The following LIMA1 variants were observed in gnomAD, a reference collection of about 807,000 sequenced individuals.
LIMA1 encodes the protein LIM domain and actin-binding protein 1.
LIMA1 carries 52 observed loss-of-function variants against 62.6 expected under a neutral mutation model. The ratio of observed to expected loss-of-function variants is 0.83; its 90% confidence interval spans 0.67 to 1.05. The LOEUF (loss-of-function observed/expected upper bound fraction) is 1.05, where lower values mean the gene tolerates loss of function less well. LIMA1 is among the 50% of genes least tolerant of loss of function. LIMA1 has a pLI of 0.00. For missense variants in LIMA1, 780 were observed against 902.2 expected, an observed-to-expected ratio of 0.86 and a Z score of 1.74; for synonymous variants, 302 against 317.8, an observed-to-expected ratio of 0.95 and a Z score of 0.53.
At chr12:50,243,495 T>C (rs1941806690) in intron 2 of LIMA1, among the ~76,000 whole-genome samples, 2 of 152,164 alleles carry the variant, frequency 1.3e-5, no homozygotes, top group Admixed American at 6.6e-5. Context: ...TCTCGGAAAA[T>C]AGTCCTGCAG....
At chr12:50,191,816 T>C (rs1342668704) in intron 9 of LIMA1, among the ~76,000 whole-genome samples, 5 of 150,664 alleles carry the variant, frequency 3.3e-5, no homozygotes, top group Non-Finnish European at 7.4e-5. Flanking sequence ...AGCGAGACTC[T>C]GTCTCAAAAC....
intron 4 of LIMA1, among the ~76,000 whole-genome samples, chr12:50,221,330 T>C (rs979319997): frequency 6.6e-6 from 1 of 152,294 alleles, no homozygotes; most frequent in Admixed American, 6.5e-5. Flanking sequence ...GATTGTGTTA[T>C]AAATCACCAG....
At chr12:50,202,882 T>C (rs575959497) in intron 6 of LIMA1, among the ~76,000 whole-genome samples, 1 of 152,318 alleles carries the variant, frequency 6.6e-6, no homozygotes, top group East Asian at 1.9e-4. Flanking sequence ...ATCAAGAGAT[T>C]AATGGTTTGT....
At chr12:50,235,134 A>G (rs533790801) in intron 2 of LIMA1, among the ~76,000 whole-genome samples, 3 of 152,052 alleles carry the variant, frequency 2.0e-5, no homozygotes, top group South Asian at 2.1e-4. Context: ...GGGTCACGCT[A>G]TGTTGCCCAA....
At chr12:50,209,904 C>T (rs1941223721) in intron 4 of LIMA1, among the ~76,000 whole-genome samples, 2 of 152,122 alleles carry the variant, frequency 1.3e-5, no homozygotes, top group South Asian at 4.2e-4. Flanking sequence ...CTCAAATGAT[C>T]TGCCCTCCTT....
At chr12:50,276,085 T>A (rs547165871) in intron 1 of LIMA1, among the ~76,000 whole-genome samples, 2 of 152,116 alleles carry the variant, frequency 1.3e-5, no homozygotes, top group South Asian at 4.2e-4. Flanking sequence ...TTTTTTTTTT[T>A]ATGACAACTC....
chr12:50,276,066 A>G (rs1444251333), intron 1 of LIMA1, among the ~76,000 whole-genome samples: 1 of 152,058 alleles, frequency 6.6e-6, no homozygotes, highest in Non-Finnish European at 1.5e-5. Context: ...ATATTTTGAA[A>G]ATCAGTGCTT....
chr12:50,179,767 G>T (rs1378046978), intron 10 of LIMA1, among the ~76,000 whole-genome samples: 1 of 150,280 alleles, frequency 6.7e-6, no homozygotes, highest in Non-Finnish European at 1.5e-5. Context: ...TTGAGTGGAG[G>T]TCTTGCTCTG....
chr12:50,231,686 T>G lies in LIMA1; in HGVS notation c.144A>C (p.Thr48=), dbSNP rs1041619756. 1 of 1,614,046 alleles carries G rather than the reference T, an allele frequency of 6.2e-7. No individual in the cohort carries two copies. ...FSKYQKAAEE[T]NMEKKRSNTE... ...TTACACTTCTCTTCTTCTCCATGTTTGTTTCTTCAGCTGCTTTCTGGTACC... is the reference window on the plus strand; with the variant it reads ...TTACACTTCTCTTCTTCTCCATGTTGGTTTCTTCAGCTGCTTTCTGGTACC... The change falls in exon 3 of 11, where the codon ACA becomes ACC. Residue 48 remains threonine, a synonymous_variant. Coordinates refer to ENST00000341247, the MANE Select transcript of LIMA1 (RefSeq NM_016357.5).
At chr12:50,219,099 G>T in intron 4 of LIMA1, among the ~76,000 whole-genome samples, 1 of 152,184 alleles carries the variant, frequency 6.6e-6, no homozygotes, top group Non-Finnish European at 1.5e-5. Context: ...TGGGGGATGA[G>T]TATTCCAAGG....
At chr12:50,206,117 T>A in intron 4 of LIMA1, 49 bp from the exon 5 acceptor site, 1 of 1,479,158 alleles carries the variant, frequency 6.8e-7, no homozygotes, top group Admixed American at 1.7e-5. Context: ...ATGGGAAATC[T>A]TGACGCAAGG....
At chr12:50,214,532 G>C (rs181612216) in intron 4 of LIMA1, among the ~76,000 whole-genome samples, 8 of 152,316 alleles carry the variant, frequency 5.3e-5, no homozygotes, top group Admixed American at 5.2e-4. Context: ...AATTTGGCTG[G>C]GCGCAGTGGC....
At chr12:50,271,163 T>C (rs1448755165) in intron 1 of LIMA1, among the ~76,000 whole-genome samples, 2 of 152,014 alleles carry the variant, frequency 1.3e-5, no homozygotes, top group African/African-American at 2.4e-5. Flanking sequence ...CCCAGCACTT[T>C]GGGAGGCTAA....
chr12:50,212,929 C>T (rs1420722337), intron 4 of LIMA1, among the ~76,000 whole-genome samples: 1 of 152,138 alleles, frequency 6.6e-6, no homozygotes. Context: ...ATTCTCTTGC[C>T]TCAGGCTTCT....
intron 3 of LIMA1, among the ~76,000 whole-genome samples, chr12:50,231,062 CAT>C (rs1165751481): frequency 5.3e-5 from 8 of 152,164 alleles, no homozygotes; most frequent in Admixed American, 1.3e-4. Flanking sequence ...ATTGACCAAA[CAT>C]ATGAGTTTTT....
chr12:50,217,681 T>C (rs957241003), intron 4 of LIMA1: 9 of 229,850 alleles, frequency 3.9e-5, no homozygotes, highest in East Asian at 3.4e-4. Flanking sequence ...CTGGCGGTCG[T>C]GGGGCAGCAC....
At chr12:50,182,612 C>G (rs1013751276) in intron 9 of LIMA1, among the ~76,000 whole-genome samples, 1 of 152,172 alleles carries the variant, frequency 6.6e-6, no homozygotes, top group Admixed American at 6.5e-5. Context: ...ACAAGTGGAA[C>G]AATTTATAAG....
Position 50,206,044 on chromosome 12 carries a change from C to G in LIMA1, c.655G>C (p.Ala219Pro). Residue 219 changes from alanine to proline, a missense_variant, in exon 5 of 11, where the codon GCA (alanine) becomes CCA (proline). Coordinates refer to ENST00000341247, the MANE Select transcript of LIMA1 (RefSeq NM_016357.5). ...TTTTCAGAGATCTTCCTTCCACTTG[C>G]ACTTCGGCTTTGGGCCCGGAGAATC... is the stretch of plus-strand genomic sequence containing the variant. ...TKILRAQSRSASGRKISENSY... is the reference protein window; with the variant it reads ...TKILRAQSRSPSGRKISENSY... 6.2e-7 allele frequency: 1 copy of G among 1,613,112 alleles called. No individual in the cohort carries two copies. Among genetic ancestry groups the G allele is most frequent in the Non-Finnish European group, 8.5e-7 (1 of 1,179,350 alleles).
At chr12:50,206,339 T>C (rs896599318) in intron 4 of LIMA1, among the ~76,000 whole-genome samples, 1 of 152,186 alleles carries the variant, frequency 6.6e-6, no homozygotes, top group African/African-American at 2.4e-5. Flanking sequence ...AATCCTCACA[T>C]ACCAGATGAC....
Sources: allele counts gnomAD v4.1 joint callset (sites outside exome capture counted in the v4.1 genomes callset), GRCh38; gene constraint gnomAD v4.1.1; transcripts MANE v1.5; gene names NCBI Gene and HGNC (gene_info 2026-07-23, HGNC 2026-07-21).